The following USP35 variants were observed in gnomAD, a reference collection of about 807,000 sequenced individuals.
USP35 encodes the protein ubiquitin specific peptidase 35.
Under a neutral mutation model 83.8 loss-of-function variants are expected in USP35, and 69 were observed. The ratio of observed to expected loss-of-function variants is 0.82; its 90% CI spans 0.68 to 1.01. USP35 has a LOEUF of 1.01. Among genes scored for constraint, USP35 ranks in the 50% least tolerant of loss-of-function variants. USP35 has a pLI of 0.00. For missense variants in USP35, 1,503 were observed against 1,362.5 expected (o/e 1.10, Z -1.62); for synonymous variants, 714 against 589.5 (o/e 1.21, Z -3.06).
Position 78,213,812 on chromosome 11 carries a change from A to G in USP35, c.3056A>G (p.Ter1019=). Residue 1019 remains the stop codon, a stop_retained_variant, in exon 11 of 11, where the codon TAA becomes TGA. Transcript: ENST00000529308. ...GGTGACTTCCACAGACTGGTCTTCTAATGTGAACCTGCTGCCAACCTGACC... is the reference window on the plus strand; with the variant it reads ...GGTGACTTCCACAGACTGGTCTTCTGATGTGAACCTGCTGCCAACCTGACC... The part of the protein sequence containing the change: ...NGGDFHRLVF[*] 6.4e-7 allele frequency: 1 copy of G among 1,552,734 alleles called. No individual in the cohort carries two copies. The highest frequency in any genetic ancestry group is 8.6e-7 in the Non-Finnish European group (1 of 1,157,514).
intron 6 of USP35, among the ~76,000 whole-genome samples, chr11:78,203,434 C>T (rs540082477): frequency 4.6e-5 from 7 of 152,144 alleles, no homozygotes; most frequent in East Asian, 1.9e-4. Context: ...GCTTCTCGAA[C>T]GTTTCCACCC....
rs758680616 is a variant in USP35 at position 78,209,999 on chromosome 11, A to G, written c.2144A>G (p.Glu715Gly). The stretch of plus-strand genomic sequence containing the variant: ...GAGAAAGAGGAGGAGGTGGAAGAGG[A>G]AGAAGAGAAGGTGGAGAAGGAGACA... ...EREKEEEVEE[E>G]EEKVEKETEK... The change falls in exon 10 of 11, where the codon GAA becomes GGA. Residue 715 changes from glutamate to glycine, a missense_variant. Transcript: ENST00000529308. 4 of 1,613,394 alleles carry G rather than the reference A, an allele frequency of 2.5e-6. No homozygotes were observed. The East Asian group carries it at 6.7e-5, about 27-fold the overall frequency.
At chr11:78,220,956 C>T in the USP35 span, among the ~76,000 whole-genome samples, 156 of 152,336 alleles carry the variant, frequency 1.0e-3, no homozygotes, top group Middle Eastern at 3.4e-3. Flanking sequence ...GGGGTAGTCA[C>T]CCCAAAGCAG....
chr11:78,234,088 CTTTTT>C, the USP35 span, among the ~76,000 whole-genome samples: 7 of 152,034 alleles, frequency 4.6e-5, no homozygotes, highest in East Asian at 7.7e-4. Flanking sequence ...CTTTTCTTTT[CTTTTT>C]ATTTAAATAC....
At position 78,209,961 on chromosome 11, in the gene USP35, G is replaced by A. The variant is rs977672254; in HGVS notation, c.2106G>A (p.Gly702=). Residue 702 remains glycine (G), a synonymous_variant, in exon 10 of 11, where the codon GGG becomes GGA. Coordinates refer to ENST00000529308, the MANE Select transcript of USP35 (RefSeq NM_020798.4). The stretch of plus-strand genomic sequence containing the variant: ...GGGAGGAGGAGGAAAGCACCAGAGG[G>A]GAAGGAGAGAGGGAGAAAGAGGAGG... ...EVGEEEESTR[G]EGEREKEEEV... 22 of 1,611,382 alleles carry A rather than the reference G, an allele frequency of 1.4e-5. No individual in the cohort carries two copies. In the African/African-American group the frequency reaches 2.1e-4, roughly 16 times the overall value.
chr11:78,226,478 G>A, the USP35 span: 5 of 1,612,926 alleles, frequency 3.1e-6, no homozygotes, highest in African/African-American at 2.7e-5. Flanking sequence ...GGTGAAGTCG[G>A]CTGTTGTCCA....
the USP35 span, chr11:78,226,331 A>G: frequency 1.4e-6 from 1 of 711,366 alleles, no homozygotes; most frequent in East Asian, 2.6e-5. Context: ...GAAGACACCT[A>G]TGTTTTTGAG....
intron 7 of USP35, among the ~76,000 whole-genome samples, chr11:78,206,699 T>TA (rs1003579946): frequency 2.0e-5 from 3 of 152,244 alleles, no homozygotes; most frequent in African/African-American, 7.2e-5. Flanking sequence ...CAAAACGACT[T>TA]ACTAGAAAAA....
At chr11:78,213,057 CGGGGGAATACAGCAACTGGTGT>C (rs994021070) in intron 10 of USP35, among the ~76,000 whole-genome samples, 29 of 152,128 alleles carry the variant, frequency 1.9e-4, no homozygotes, top group African/African-American at 5.3e-4. Flanking sequence ...GTGTTTTGTG[CGGGGGAATACAGCAACTGGTGT>C]GGGGACACCA....
At chr11:78,226,152 A>G in the USP35 span, among the ~76,000 whole-genome samples, 1 of 152,260 alleles carries the variant, frequency 6.6e-6, no homozygotes, top group Non-Finnish European at 1.5e-5. Context: ...ACAAATGAAT[A>G]AAATACAATG....
chr11:78,229,800 C>T, the USP35 span, among the ~76,000 whole-genome samples: 8 of 152,216 alleles, frequency 5.3e-5, no homozygotes, highest in African/African-American at 1.7e-4. Flanking sequence ...CCCAGTTAGT[C>T]AAGCATTGGG....
Position 78,196,333 on chromosome 11 carries a change from CG to C in USP35, c.90del (p.Gln31SerfsTer159), listed in dbSNP as rs1565394160. On this transcript the variant is annotated frameshift_variant, in exon 2 of 11. Coordinates refer to ENST00000529308, the MANE Select transcript of USP35 (RefSeq NM_020798.4). LOFTEE classifies it high-confidence loss of function. The surrounding 1 kb of genome is among the most constrained non-coding windows in gnomAD (Gnocchi z 4.8). ...GLVRRVLEAA[R>X]QPLEREQCLA... Reference sequence around the variant, plus strand: ...GGTTCGGCGCGTGCTGGAGGCGGCGCGGCAGCCGCTGGAGCGTGAGCAGTGC... The same window carrying C: ...GGTTCGGCGCGTGCTGGAGGCGGCGCGCAGCCGCTGGAGCGTGAGCAGTGC... The C allele has an allele frequency of 1.9e-6, 3 of 1,585,104 alleles. No homozygotes were observed. The highest frequency in any genetic ancestry group is 2.6e-6 in the Non-Finnish European group (3 of 1,173,688).
downstream of USP35, chr11:78,215,791 C>G (rs565598137): frequency 1.3e-5 from 2 of 152,596 alleles, no homozygotes; most frequent in Non-Finnish European, 1.5e-5. Flanking sequence ...AGGGCTTTAG[C>G]GCTCCTGAGA....
chr11:78,211,793 GGTT>G (rs1158639037), intron 10 of USP35, among the ~76,000 whole-genome samples: 9 of 152,120 alleles, frequency 5.9e-5, no homozygotes, highest in Admixed American at 5.2e-4. Context: ...TTTTTAATGG[GGTT>G]GTTTTTTTCT....
At position 78,210,726 on chromosome 11, in the gene USP35, C is replaced by T. The variant is rs187539146; in HGVS notation, c.2871C>T (p.Asp957=). The T allele has an allele frequency of 6.7e-5, 105 of 1,564,040 alleles. No individual in the cohort carries two copies. In the East Asian group the frequency reaches 2.2e-3, roughly 33 times the overall value. The change falls in exon 10 of 11, where the codon GAC becomes GAT. Residue 957 remains aspartate, a synonymous_variant. Coordinates refer to ENST00000529308, the MANE Select transcript of USP35 (RefSeq NM_020798.4). ...HKDLMEAISK[D]NILYLQEQEK... The stretch of plus-strand genomic sequence containing the variant: ...ACTTGATGGAAGCCATTTCCAAAGA[C>T]AACATCCTTTACCTACAGGTGAGCT...
Position 78,212,324 on chromosome 11 carries a change from C to T in USP35, c.2890-1322C>T, listed in dbSNP as rs145317137. Among the ~76,000 whole-genome samples, 46 of 151,506 alleles carry T rather than the reference C, an allele frequency of 3.0e-4. 1 individual carries two copies. The highest frequency in any genetic ancestry group is 8.6e-4 in the African/African-American group (35 of 40,790). The stretch of plus-strand genomic sequence containing the variant: ...TGTCTGTTTTTATACCAGTACTATA[C>T]TACAAGGCTACAGTAAGCAAAACAG... On this transcript the variant is annotated intron_variant, in intron 10 of 10. Transcript: ENST00000529308.
chr11:78,200,308 CT>C (rs1863309570), intron 5 of USP35, 74 bp downstream of exon 5: 1 of 1,528,754 alleles, frequency 6.5e-7, no homozygotes, highest in Admixed American at 1.7e-5. Context: ...CCTACTGCCC[CT>C]GGTAAGGGCC....
intron 7 of USP35, 150 bp downstream of exon 7, chr11:78,206,185 A>G: frequency 9.1e-7 from 1 of 1,104,120 alleles, no homozygotes; most frequent in Non-Finnish European, 1.3e-6. Context: ...GTGGGGACAG[A>G]GAGCCTCAGG....
rs760154889 is a variant in USP35 at position 78,199,706 on chromosome 11, G to A, written c.918G>A (p.Ser306=). Residue 306 remains serine (S), a synonymous_variant, in exon 4 of 11, where the codon TCG becomes TCA. Coordinates refer to ENST00000529308, the MANE Select transcript of USP35 (RefSeq NM_020798.4). ...VKKFSILIEV[S]LTKIEKVFSK... is the part of the protein sequence containing the mutation. Reference sequence around the variant, plus strand: ...AGTTCAGCATCTTGATCGAGGTTTCGCTCACCAAAATTGAGAAGGTTGGTG... The same window carrying A: ...AGTTCAGCATCTTGATCGAGGTTTCACTCACCAAAATTGAGAAGGTTGGTG... 11 of 1,614,020 alleles carry A rather than the reference G, an allele frequency of 6.8e-6. No individual in the cohort carries two copies. Among genetic ancestry groups the A allele is most frequent in the African/African-American group, 1.3e-5 (1 of 74,904 alleles).
Sources: allele counts gnomAD v4.1 joint callset (sites outside exome capture counted in the v4.1 genomes callset), GRCh38; gene constraint gnomAD v4.1.1; non-coding constraint Gnocchi (gnomAD v3.1); transcripts MANE v1.5; gene names NCBI Gene and HGNC (gene_info 2026-07-23, HGNC 2026-07-21).